Variants in TOX observed in about 807,000 individuals in gnomAD.
TOX encodes thymocyte selection-associated high mobility group box protein TOX.
Under a neutral mutation model 53.7 loss-of-function variants are expected in TOX, and 11 were observed. The ratio of observed to expected loss-of-function variants is 0.20; its 90% CI spans 0.13 to 0.34. The LOEUF (loss-of-function observed/expected upper bound fraction) is 0.34, where lower values mean the gene tolerates loss of function less well. Among genes scored for constraint, TOX ranks in the 10% least tolerant of loss-of-function variants. TOX has a pLI of 1.00. For synonymous variants in TOX, 225 were observed against 245.3 expected, an observed-to-expected ratio of 0.92 and a Z score of 0.77; for missense variants, 570 against 664.6, an observed-to-expected ratio of 0.86 and a Z score of 1.56.
intron 1 of TOX, among the ~76,000 whole-genome samples, chr8:59,047,479 G>A (rs71521441): frequency 0.52 from 78,136 of 151,392 alleles, 24,872 homozygotes; most frequent in Non-Finnish European, 0.72. Flanking sequence ...CGCCCGCCTC[G>A]GCCTCCCAAA....
rs556046531 is a variant in TOX, at chr8:59,106,187, C to A, written c.102+12699G>T. Among the ~76,000 whole-genome samples the A allele has an allele frequency of 2.0e-5, 3 of 152,156 alleles. No individual in the cohort carries two copies. The South Asian group carries it at 6.2e-4, about 32-fold the overall frequency. ...TTCCACCTCTCAGAAATATATCCTT[C>A]CTTCCCTCCCCCACCCCAGGCCAGA... On this transcript the variant is annotated intron_variant, in intron 1 of 8. Coordinates refer to ENST00000361421, the MANE Select transcript of TOX (RefSeq NM_014729.3).
chr8:58,867,119 C>G (rs1260802268), intron 3 of TOX, among the ~76,000 whole-genome samples: 1 of 152,114 alleles, frequency 6.6e-6, no homozygotes, highest in Non-Finnish European at 1.5e-5. Flanking sequence ...TTTACAAAAG[C>G]TAATAGAATT....
rs559522865 is a variant in TOX at position 58,862,698 on chromosome 8, T to C, written c.412-10893A>G. ...AGTGTTATTAGAAGTATTCTCTGGT[T>C]TTTATAAAAGTTGGAGCCCAGAATG... On this transcript the variant is annotated intron_variant, in intron 3 of 8. Transcript: ENST00000361421. Among the ~76,000 whole-genome samples the C allele has an allele frequency of 4.6e-5, 7 of 152,234 alleles. No homozygotes were observed. In the South Asian group the frequency reaches 1.0e-3, roughly 23 times the overall value.
intron 1 of TOX, among the ~76,000 whole-genome samples, chr8:58,971,810 C>T (rs1413085168): frequency 6.6e-6 from 1 of 152,106 alleles, no homozygotes; most frequent in Non-Finnish European, 1.5e-5. Flanking sequence ...CTTGCCTTAG[C>T]GTCCACAGCA....
At chr8:59,061,912 T>C (rs918769452) in intron 1 of TOX, among the ~76,000 whole-genome samples, 2 of 152,144 alleles carry the variant, frequency 1.3e-5, no homozygotes, top group Non-Finnish European at 2.9e-5. Flanking sequence ...TTCTTGGCGC[T>C]TCTCTTCTTC....
At chr8:58,998,538 T>TATATAA (rs1491248348) in intron 1 of TOX, among the ~76,000 whole-genome samples, 1 of 131,214 alleles carries the variant, frequency 7.6e-6, no homozygotes, top group African/African-American at 3.0e-5. Flanking sequence ...TATATATATA[T>TATATAA]AAATTTATAT....
chr8:58,896,335 T>C (rs1372288248), intron 3 of TOX, among the ~76,000 whole-genome samples: 1 of 152,108 alleles, frequency 6.6e-6, no homozygotes, highest in Non-Finnish European at 1.5e-5. Context: ...GTAATGAATG[T>C]GTCATTCCTT....
At chr8:59,103,087 A>G (rs1804833620) in intron 1 of TOX, among the ~76,000 whole-genome samples, 1 of 152,204 alleles carries the variant, frequency 6.6e-6, no homozygotes, top group Non-Finnish European at 1.5e-5. Flanking sequence ...CACATAGGAT[A>G]TTTGACTTCC....
At position 59,102,651 on chromosome 8, in the gene TOX, G is replaced by A. The variant is rs551719559; in HGVS notation, c.102+16235C>T. Among the ~76,000 whole-genome samples the A allele has an allele frequency of 2.6e-4, 39 of 152,256 alleles. 1 individual carries two copies. The South Asian group carries it at 7.7e-3, about 30-fold the overall frequency. On this transcript the variant is annotated intron_variant, in intron 1 of 8. Coordinates refer to ENST00000361421, the MANE Select transcript of TOX (RefSeq NM_014729.3). ...CACCAGGTCTCTCCCACAAGACAAG[G>A]GAATTATGGGAGCTACAAGATGAGA...
chr8:58,989,329 C>A (rs566748673), intron 1 of TOX, among the ~76,000 whole-genome samples: 104 of 151,152 alleles, frequency 6.9e-4, no homozygotes, highest in African/African-American at 2.4e-3. Context: ...AAAAAAAAAA[C>A]TTTAGAAAAC....
intron 3 of TOX, among the ~76,000 whole-genome samples, chr8:58,906,805 T>C (rs1358589884): frequency 1.3e-5 from 2 of 152,238 alleles, no homozygotes; most frequent in Admixed American, 1.3e-4. Flanking sequence ...GTTTGCTTTC[T>C]TTCCTTCAAG....
chr8:59,016,609 C>A (rs975076501), intron 1 of TOX, among the ~76,000 whole-genome samples: 1 of 152,076 alleles, frequency 6.6e-6, no homozygotes, highest in African/African-American at 2.4e-5. Context: ...TATCATGTGA[C>A]CTCAACCAAT....
chr8:58,947,461 C>T (rs1313739964), intron 2 of TOX, among the ~76,000 whole-genome samples: 1 of 152,110 alleles, frequency 6.6e-6, no homozygotes, highest in African/African-American at 2.4e-5. Context: ...ATGTAATTTA[C>T]AGCAATTTGG....
intron 3 of TOX, among the ~76,000 whole-genome samples, chr8:58,885,365 G>T (rs2129171293): frequency 6.6e-6 from 1 of 151,996 alleles, no homozygotes; most frequent in African/African-American, 2.4e-5. Flanking sequence ...GCTACTTCTG[G>T]CTGAAAAACT....
At chr8:58,899,728 T>C (rs1221187184) in intron 3 of TOX, among the ~76,000 whole-genome samples, 3 of 152,160 alleles carry the variant, frequency 2.0e-5, no homozygotes, top group Admixed American at 1.3e-4. Flanking sequence ...TCAAAGGAAA[T>C]GCTCCTGGAA....
chr8:59,097,094 G>C (rs998508978), intron 1 of TOX, among the ~76,000 whole-genome samples: 1 of 152,150 alleles, frequency 6.6e-6, no homozygotes, highest in Non-Finnish European at 1.5e-5. Flanking sequence ...GCCCGATGTG[G>C]GGGAACACGT....
At chr8:58,923,090 A>AT (rs71557742) in intron 3 of TOX, among the ~76,000 whole-genome samples, 12,733 of 151,614 alleles carry the variant, frequency 0.084, 622 homozygotes, top group South Asian at 0.19. Context: ...GAAGAAACGG[A>AT]TTTTTTTTTC....
chr8:59,043,443 G>C (rs1803629813), intron 1 of TOX, among the ~76,000 whole-genome samples: 1 of 151,112 alleles, frequency 6.6e-6, no homozygotes, highest in African/African-American at 2.4e-5. Context: ...ATAAATTATA[G>C]GAAAAAATCA....
At chr8:58,990,306 T>A (rs959804265) in intron 1 of TOX, among the ~76,000 whole-genome samples, 16 of 152,168 alleles carry the variant, frequency 1.1e-4, no homozygotes, top group African/African-American at 3.9e-4. Flanking sequence ...GCCTCAAGGT[T>A]CAATTGTCCT....
Sources: allele counts gnomAD v4.1 joint callset (sites outside exome capture counted in the v4.1 genomes callset), GRCh38; gene constraint gnomAD v4.1.1; transcripts MANE v1.5; gene names NCBI Gene and HGNC (gene_info 2026-07-23, HGNC 2026-07-21).